Variants in CCDC3 observed in about 807,000 individuals in gnomAD.
CCDC3 encodes coiled-coil domain containing 3.
A neutral mutation model predicts 21.4 loss-of-function variants in CCDC3; 24 were observed. The ratio of observed to expected loss-of-function variants is 1.12; its 90% CI spans 0.81 to 1.58. The LOEUF (loss-of-function observed/expected upper bound fraction) is 1.58, where lower values mean the gene tolerates loss of function less well. Ranked by LOEUF, CCDC3 falls within the 40% of genes most tolerant of loss-of-function variation. The pLI is 0.00. For synonymous variants in CCDC3, 186 were observed against 166.0 expected, an observed-to-expected ratio of 1.12 and a Z score of -0.93; for missense variants, 425 against 360.9, an observed-to-expected ratio of 1.18 and a Z score of -1.44.
chr10:13,041,402 C>T (rs988326655), intron 5 of CCDC3, among the ~76,000 whole-genome samples: 6 of 150,520 alleles, frequency 4.0e-5, no homozygotes, highest in Non-Finnish European at 8.8e-5. Context: ...TATTTATACT[C>T]GTCTTGGCTC....
At chr10:12,903,360 AG>A (rs1401828603) in intron 2 of CCDC3, among the ~76,000 whole-genome samples, 1 of 152,246 alleles carries the variant, frequency 6.6e-6, no homozygotes. Context: ...TGTTTCTTTA[AG>A]AAATGCTTTC....
At chr10:13,040,590 T>C (rs938011109) in intron 5 of CCDC3, among the ~76,000 whole-genome samples, 1 of 151,996 alleles carries the variant, frequency 6.6e-6, no homozygotes, top group African/African-American at 2.4e-5. Context: ...CTCAGGAAGC[T>C]GAGGCAGGAG....
At chr10:12,987,988 T>C (rs1835623680) in intron 2 of CCDC3, among the ~76,000 whole-genome samples, 1 of 151,162 alleles carries the variant, frequency 6.6e-6, no homozygotes, top group Non-Finnish European at 1.5e-5. Flanking sequence ...CAATCTGTGG[T>C]TCACTCAGCT....
At chr10:12,990,576 T>C (rs569001022) in intron 2 of CCDC3, among the ~76,000 whole-genome samples, 9 of 152,338 alleles carry the variant, frequency 5.9e-5, no homozygotes, top group African/African-American at 9.6e-5. Context: ...ACTGACAGTA[T>C]TGGCTGCCAG....
intron 4 of CCDC3, among the ~76,000 whole-genome samples, chr10:13,062,448 C>A (rs1371036454): frequency 6.6e-6 from 1 of 152,132 alleles, no homozygotes; most frequent in Non-Finnish European, 1.5e-5. Flanking sequence ...ATATTTTAAA[C>A]CTGTGCCACA....
At chr10:12,999,568 G>A (rs899469432) in intron 1 of CCDC3, among the ~76,000 whole-genome samples, 3 of 152,182 alleles carry the variant, frequency 2.0e-5, no homozygotes, top group African/African-American at 7.2e-5. Context: ...AATGATTTGT[G>A]TGTAGTTGTT....
intron 2 of CCDC3, chr10:12,924,585 A>G (rs923682875): frequency 6.6e-6 from 1 of 152,188 alleles, no homozygotes; most frequent in African/African-American, 2.4e-5. Flanking sequence ...TCCATTTTCC[A>G]GTTTCTAATC....
chr10:12,917,717 T>A (rs1189617396), intron 2 of CCDC3, among the ~76,000 whole-genome samples: 1 of 152,240 alleles, frequency 6.6e-6, no homozygotes, highest in Non-Finnish European at 1.5e-5. Context: ...TTACATGGTA[T>A]AAAAACATTG....
chr10:12,937,569 C>T (rs114929540), intron 2 of CCDC3, among the ~76,000 whole-genome samples: 4,873 of 151,986 alleles, frequency 0.032, 243 homozygotes, highest in African/African-American at 0.11. Context: ...CTCAATTGAT[C>T]CTCCCATCTC....
intron 3 of CCDC3, among the ~76,000 whole-genome samples, chr10:13,094,242 AGATGATGATGAT>A (rs71386151): frequency 0.035 from 5,069 of 146,572 alleles, 176 homozygotes; most frequent in African/African-American, 0.084. Flanking sequence ...TTACTTTTCA[AGATGATGATGAT>A]GATGATGATG....
At chr10:13,080,919 C>T (rs779571094) in intron 3 of CCDC3, among the ~76,000 whole-genome samples, 8 of 152,200 alleles carry the variant, frequency 5.3e-5, no homozygotes, top group African/African-American at 1.2e-4. Context: ...TCCCCAAGGC[C>T]GAAACGCACA....
chr10:12,934,678 C>T (rs149262261), intron 2 of CCDC3, among the ~76,000 whole-genome samples: 35 of 152,172 alleles, frequency 2.3e-4, no homozygotes, highest in African/African-American at 6.7e-4. Context: ...GAGTAGTAAC[C>T]CCATTATTAC....
At chr10:13,067,857 A>G (rs766063266) in intron 4 of CCDC3, among the ~76,000 whole-genome samples, 9 of 151,938 alleles carry the variant, frequency 5.9e-5, no homozygotes, top group Non-Finnish European at 1.2e-4. Context: ...TTTCTCAAAG[A>G]GCACTCAGCT....
At chr10:12,982,939 CCA>C (rs1258143298) in intron 2 of CCDC3, among the ~76,000 whole-genome samples, 1 of 149,804 alleles carries the variant, frequency 6.7e-6, no homozygotes, top group East Asian at 2.0e-4. Flanking sequence ...ATCGTGAAAC[CCA>C]TCTCCACTAA....
intron 5 of CCDC3, among the ~76,000 whole-genome samples, chr10:13,041,327 C>G (rs193015074): frequency 6.6e-6 from 1 of 152,080 alleles, no homozygotes; most frequent in African/African-American, 2.4e-5. Flanking sequence ...ATTCTTATTT[C>G]TGGTATAACT....
intron 2 of CCDC3, among the ~76,000 whole-genome samples, chr10:12,981,797 T>C (rs1227653644): frequency 6.6e-6 from 1 of 151,996 alleles, no homozygotes; most frequent in African/African-American, 2.4e-5. Context: ...AAGTGAGTCA[T>C]AGTGATACCA....
At position 13,086,731 on chromosome 10, in the gene CCDC3, C is replaced by A. The variant is rs567643600; in HGVS notation, c.-503+11794G>T. Among the ~76,000 whole-genome samples, 7 of 152,304 alleles carry A rather than the reference C, an allele frequency of 4.6e-5. 1 individual carries two copies. The highest frequency in any genetic ancestry group is 3.9e-4 in the Admixed American group (6 of 15,304). On this transcript the variant is annotated intron_variant, in intron 3 of 6. Coordinates refer to the CCDC3 transcript ENST00000378839. ...AAAGTGCTAGGATTACAGGCATGAG[C>A]CCCCGCGCCCGGCCTCTGTAAAAGG...
chr10:13,054,311 C>T (rs1211265410), intron 4 of CCDC3, among the ~76,000 whole-genome samples: 1 of 152,168 alleles, frequency 6.6e-6, no homozygotes, highest in Non-Finnish European at 1.5e-5. Context: ...TCTGCCTGAA[C>T]TGGTTTTGCT....
chr10:12,964,469 G>A (rs1240703915), intron 2 of CCDC3, among the ~76,000 whole-genome samples: 1 of 152,114 alleles, frequency 6.6e-6, no homozygotes, highest in Non-Finnish European at 1.5e-5. Context: ...TGGGTCTGTA[G>A]TTTATGCCTG....
Sources: gnomAD v4.1 joint callset for allele counts (sites outside exome capture counted in the v4.1 genomes callset) on GRCh38, gnomAD v4.1.1 for gene constraint, MANE v1.5 for transcripts, NCBI Gene and HGNC (gene_info 2026-07-23, HGNC 2026-07-21) for gene names.